BNC2: variants seen among roughly 807,000 people sequenced by gnomAD.
BNC2 encodes zinc finger protein basonuclin-2.
BNC2 carries 20 observed loss-of-function variants against 76.3 expected under a neutral mutation model. The observed-to-expected ratio is 0.26, with a 90% CI of 0.18 to 0.38. The LOEUF (loss-of-function observed/expected upper bound fraction) is 0.38, where lower values mean the gene tolerates loss of function less well. Among genes scored for constraint, BNC2 ranks in the 10% least tolerant of loss-of-function variants. The pLI is 1.00. For synonymous variants in BNC2, 582 were observed against 514.8 expected, an observed-to-expected ratio of 1.13 and a Z score of -1.77; for missense variants, 1,382 against 1,399.8, an observed-to-expected ratio of 0.99 and a Z score of 0.20.
chr9:16,814,797 G>C (rs541866436), intron 1 of BNC2, among the ~76,000 whole-genome samples: 1 of 152,274 alleles, frequency 6.6e-6, no homozygotes, highest in African/African-American at 2.4e-5. Flanking sequence ...ACATTATGGT[G>C]ATTCTACCTC....
intron 5 of BNC2, among the ~76,000 whole-genome samples, chr9:16,465,402 C>G (rs1821682957): frequency 7.5e-6 from 1 of 133,828 alleles, no homozygotes. Context: ...TGCAACTACA[C>G]TGTAGCCTGG....
intron 6 of BNC2, among the ~76,000 whole-genome samples, chr9:16,431,991 A>G (rs7036433): frequency 0.027 from 4,104 of 152,280 alleles, 175 homozygotes; most frequent in African/African-American, 0.083. Context: ...ACTAGTCTGC[A>G]GCCCCGGGGT....
chr9:16,636,613 TTTGTATAATGCC>T (rs1468319693), intron 3 of BNC2, among the ~76,000 whole-genome samples: 1 of 152,128 alleles, frequency 6.6e-6, no homozygotes, highest in Non-Finnish European at 1.5e-5. Context: ...AGATAAGCTT[TTTGTATAATGCC>T]TACATATCTA....
chr9:16,706,103 T>C (rs190562764), intron 3 of BNC2, among the ~76,000 whole-genome samples: 199 of 152,374 alleles, frequency 1.3e-3, no homozygotes, highest in African/African-American at 4.5e-3. Context: ...TTTATAATTT[T>C]AAAATTGTTC....
chr9:16,833,110 G>C lies in BNC2; in HGVS notation c.3+37536C>G, dbSNP rs1221799173. On this transcript the variant is annotated intron_variant, in intron 1 of 6. Transcript: ENST00000380672. ...GTTGCGTTTATTTGTATCTGGAGAAGAATTAGAACAAAACCCTCAGGAAAG... is the reference window on the plus strand; with the variant it reads ...GTTGCGTTTATTTGTATCTGGAGAACAATTAGAACAAAACCCTCAGGAAAG... 2.0e-5 allele frequency among the ~76,000 whole-genome samples: 3 copies of C among 151,574 alleles called. No homozygotes were observed. The East Asian group carries it at 5.9e-4, about 30-fold the overall frequency.
rs202218171 is a variant in BNC2 at position 16,738,489 on chromosome 9, T to C, written c.4-4A>G. 2.8e-5 allele frequency: 45 copies of C among 1,613,934 alleles called. No individual in the cohort carries two copies. The highest frequency in any genetic ancestry group is 1.7e-4 in the Middle Eastern group (1 of 6,056). ...GTGGGGTGGGCCCAAGGTGTGCCTA[T>C]TGAGAGATTGGGAAAGGAAATTACA... On this transcript the variant is annotated splice_polypyrimidine_tract_variant and splice_region_variant and intron_variant, in intron 1 of 6. Coordinates refer to ENST00000380672, the MANE Select transcript of BNC2 (RefSeq NM_017637.6).
intron 3 of BNC2, among the ~76,000 whole-genome samples, chr9:16,587,935 G>T (rs1041165067): frequency 1.3e-5 from 2 of 152,136 alleles, no homozygotes; most frequent in Non-Finnish European, 2.9e-5. Context: ...AGTACAGGTT[G>T]TGAATATTAT....
intron 5 of BNC2, among the ~76,000 whole-genome samples, chr9:16,462,667 A>G (rs1299552808): frequency 2.0e-5 from 3 of 152,148 alleles, no homozygotes; most frequent in Non-Finnish European, 4.4e-5. Context: ...CCTCTTCCAC[A>G]ATGGAAATGG....
intron 5 of BNC2, among the ~76,000 whole-genome samples, chr9:16,502,131 G>C (rs1406887168): frequency 3.9e-5 from 6 of 152,132 alleles, no homozygotes; most frequent in African/African-American, 1.2e-4. Context: ...GGGAAGTCGA[G>C]ATGGGAGGAT....
chr9:16,776,211 G>A (rs1825964188), intron 1 of BNC2, among the ~76,000 whole-genome samples: 1 of 150,998 alleles, frequency 6.6e-6, no homozygotes, highest in African/African-American at 2.5e-5. Context: ...ACCATCTCGG[G>A]CTCACTGCAA....
At position 16,831,419 on chromosome 9, in the gene BNC2, T is replaced by C. The variant is rs368388349; in HGVS notation, c.3+39227A>G. 7.9e-5 allele frequency among the ~76,000 whole-genome samples: 12 copies of C among 152,378 alleles called. No individual in the cohort carries two copies. The East Asian group carries it at 9.6e-4, about 12-fold the overall frequency. On this transcript the variant is annotated intron_variant, in intron 1 of 6. Transcript: ENST00000380672. ...TTCAAAGAACTGGAATATATCTGTA[T>C]TCACTTGTGTGACATTTACTTATTT...
intron 1 of BNC2, among the ~76,000 whole-genome samples, chr9:16,770,652 ATT>A (rs58805474): frequency 0.14 from 21,328 of 148,986 alleles, 2,081 homozygotes; most frequent in African/African-American, 0.26. Flanking sequence ...TCATTCAAGA[ATT>A]TTTTTTTTTT....
At chr9:16,531,361 C>A (rs550845719) in intron 5 of BNC2, among the ~76,000 whole-genome samples, 1 of 150,330 alleles carries the variant, frequency 6.7e-6, no homozygotes, top group African/African-American at 2.4e-5. Context: ...GATGCTACAG[C>A]AGATTTCTGT....
At chr9:16,776,912 G>C (rs1468264888) in intron 1 of BNC2, among the ~76,000 whole-genome samples, 1 of 152,032 alleles carries the variant, frequency 6.6e-6, no homozygotes, top group Non-Finnish European at 1.5e-5. Context: ...GATCACCTGA[G>C]GTCAGGAGTT....
intron 3 of BNC2, among the ~76,000 whole-genome samples, chr9:16,713,486 C>T (rs1254918952): frequency 7.3e-6 from 1 of 136,974 alleles, no homozygotes; most frequent in African/African-American, 2.8e-5. Flanking sequence ...TTAACTGTGA[C>T]TATGGCAAAG....
chr9:16,846,965 C>T (rs756296165), intron 1 of BNC2, among the ~76,000 whole-genome samples: 1 of 152,116 alleles, frequency 6.6e-6, no homozygotes, highest in African/African-American at 2.4e-5. Context: ...TGGAAACACC[C>T]GAAACTTAAC....
intron 5 of BNC2, among the ~76,000 whole-genome samples, chr9:16,463,833 T>C (rs933361810): frequency 2.0e-5 from 3 of 151,960 alleles, no homozygotes; most frequent in South Asian, 4.2e-4. Context: ...CGGTGGCTCA[T>C]GTCTGTAATC....
At chr9:16,442,800 T>C (rs1821154437) in intron 5 of BNC2, among the ~76,000 whole-genome samples, 1 of 152,068 alleles carries the variant, frequency 6.6e-6, no homozygotes, top group Non-Finnish European at 1.5e-5. Context: ...TGTGCTCCAG[T>C]AGTCAAATTG....
At chr9:16,529,201 C>T (rs1817903481) in intron 5 of BNC2, among the ~76,000 whole-genome samples, 1 of 152,140 alleles carries the variant, frequency 6.6e-6, no homozygotes, top group African/African-American at 2.4e-5. Flanking sequence ...CTGCAAAAAC[C>T]CTTTTTTCCA....
Sources: allele counts gnomAD v4.1 joint callset (sites outside exome capture counted in the v4.1 genomes callset), GRCh38; gene constraint gnomAD v4.1.1; transcripts MANE v1.5; gene names NCBI Gene and HGNC (gene_info 2026-07-23, HGNC 2026-07-21).